The following CTNNA3 variants were observed in gnomAD, a reference collection of about 807,000 sequenced individuals.
CTNNA3 encodes the protein catenin alpha 3.
CTNNA3 carries 76 observed loss-of-function variants against 95.7 expected under a neutral mutation model. The ratio of observed to expected loss-of-function variants is 0.79; its 90% confidence interval spans 0.66 to 0.96. CTNNA3 has a LOEUF of 0.96. Ranked by LOEUF, CTNNA3 falls within the 40% of genes least tolerant of loss-of-function variation. The pLI is 0.00. For synonymous variants in CTNNA3, 431 were observed against 374.4 expected, an observed-to-expected ratio of 1.15 and a Z score of -1.74; for missense variants, 1,191 against 1,089.8, an observed-to-expected ratio of 1.09 and a Z score of -1.31.
At chr10:67,701,615 C>T (rs1480489945) in intron 1 of CTNNA3, among the ~76,000 whole-genome samples, 2 of 152,158 alleles carry the variant, frequency 1.3e-5, no homozygotes, top group Non-Finnish European at 2.9e-5. Flanking sequence ...TAAAACAGCT[C>T]CTGAAGGAAG....
rs10687414 is a variant in CTNNA3, at chr10:66,020,668, A to ATTTTTTTTT, written c.2160-31880_2160-31872dup. Among the ~76,000 whole-genome samples the ATTTTTTTTT allele has an allele frequency of 1.8e-3, 252 of 136,664 alleles. 2 individuals carry two copies. Among genetic ancestry groups the ATTTTTTTTT allele is most frequent in the African/African-American group, 6.8e-3 (246 of 36,418 alleles). The allele number at this position is 136,664 out of a possible 152,430, so 89.7% of individuals were successfully genotyped here. ...GCCTAAACACTTGCTGATGATCTGA[A>ATTTTTTTTT]TTTTTTTTTTTTTTTTTGAGATGGA... On this transcript the variant is annotated intron_variant, in intron 15 of 17. Transcript: ENST00000433211.
intron 6 of CTNNA3, among the ~76,000 whole-genome samples, chr10:67,207,711 C>G (rs983154559): frequency 3.9e-5 from 6 of 152,180 alleles, no homozygotes; most frequent in African/African-American, 1.4e-4. Flanking sequence ...AGAATCAGAA[C>G]CTTACAATCT....
intron 10 of CTNNA3, among the ~76,000 whole-genome samples, chr10:66,531,055 T>C (rs939480519): frequency 5.9e-5 from 9 of 152,112 alleles, no homozygotes; most frequent in Admixed American, 5.9e-4. Flanking sequence ...AAGGCAATAA[T>C]TCCACATGAA....
chr10:66,520,714 G>A lies in CTNNA3; in HGVS notation c.1434C>T (p.Thr478=), dbSNP rs1188224066. ...CCCATGTACGCTTGTACATTTCCATGGTGTTTTTGACCGCTTGACTTTTGG... is the reference window on the plus strand; with the variant it reads ...CCCATGTACGCTTGTACATTTCCATAGTGTTTTTGACCGCTTGACTTTTGG... ...ARPKSQAVKN[T]MEMYKRTWEN... The change falls in exon 11 of 18, where the codon ACC becomes ACT. Residue 478 remains threonine (T), a synonymous_variant. Coordinates refer to ENST00000433211, the MANE Select transcript of CTNNA3 (RefSeq NM_013266.4). 1 of 1,612,274 alleles carries A rather than the reference G, an allele frequency of 6.2e-7. No homozygotes were observed. The highest frequency in any genetic ancestry group is 2.2e-5 in the East Asian group (1 of 44,724).
At chr10:67,063,634 C>G (rs2133228110) in intron 7 of CTNNA3, among the ~76,000 whole-genome samples, 1 of 152,322 alleles carries the variant, frequency 6.6e-6, no homozygotes, top group East Asian at 1.9e-4. Flanking sequence ...CATGGCTTTA[C>G]CCACTGACCA....
At chr10:67,449,964 C>A (rs1846905858) in intron 5 of CTNNA3, among the ~76,000 whole-genome samples, 1 of 151,880 alleles carries the variant, frequency 6.6e-6, no homozygotes, top group South Asian at 2.1e-4. Flanking sequence ...AACAAATAAC[C>A]CCATTAAAAA....
chr10:66,017,032 T>C (rs1166066841), intron 15 of CTNNA3, among the ~76,000 whole-genome samples: 1 of 152,100 alleles, frequency 6.6e-6, no homozygotes, highest in Non-Finnish European at 1.5e-5. Flanking sequence ...GGAACTTGAG[T>C]TTATAATACA....
chr10:66,900,815 A>T (rs1156440656), intron 7 of CTNNA3, among the ~76,000 whole-genome samples: 2 of 152,168 alleles, frequency 1.3e-5, no homozygotes, highest in Non-Finnish European at 2.9e-5. Flanking sequence ...AAGCAAGAAG[A>T]CAAGATTAGA....
chr10:67,649,061 A>G (rs1163715829), intron 1 of CTNNA3, among the ~76,000 whole-genome samples: 5 of 152,192 alleles, frequency 3.3e-5, no homozygotes, highest in African/African-American at 1.2e-4. Flanking sequence ...TATGTCCTTC[A>G]GTGTATAGCC....
Position 67,130,331 on chromosome 10 carries a change from T to C in CTNNA3, c.1047+49986A>G, listed in dbSNP as rs993592435. Among the ~76,000 whole-genome samples the C allele has an allele frequency of 2.6e-5, 4 of 152,176 alleles. No individual in the cohort carries two copies. The South Asian group carries it at 6.2e-4, about 24-fold the overall frequency. On this transcript the variant is annotated intron_variant, in intron 7 of 17. Transcript: ENST00000433211. ...GCTCTTTGTGATCTAGATCCACTTA[T>C]AGGGCAGGCAGGGAGAAGCCACCCT...
chr10:67,742,648 G>A (rs1407477010), intron 1 of CTNNA3, among the ~76,000 whole-genome samples: 2 of 150,754 alleles, frequency 1.3e-5, no homozygotes, highest in Non-Finnish European at 1.5e-5. Flanking sequence ...AAATAACTAA[G>A]ATCAGAGCAG....
At chr10:67,022,403 GA>G (rs1853079540) in intron 7 of CTNNA3, among the ~76,000 whole-genome samples, 1 of 151,934 alleles carries the variant, frequency 6.6e-6, no homozygotes, top group Admixed American at 6.6e-5. Flanking sequence ...TAGAGAAGTA[GA>G]AAAGGAAAAT....
chr10:67,526,467 T>C (rs1840149466), intron 4 of CTNNA3, among the ~76,000 whole-genome samples: 1 of 152,092 alleles, frequency 6.6e-6, no homozygotes. Context: ...ACACTGGCCT[T>C]GAGGTCTGAG....
intron 5 of CTNNA3, among the ~76,000 whole-genome samples, chr10:67,277,972 G>A (rs1839252420): frequency 6.6e-6 from 1 of 152,110 alleles, no homozygotes; most frequent in South Asian, 2.1e-4. Context: ...AGTCCAAGAT[G>A]CTGCCCTGCC....
chr10:66,458,131 G>T (rs1457080021), intron 11 of CTNNA3, among the ~76,000 whole-genome samples: 2 of 152,152 alleles, frequency 1.3e-5, no homozygotes, highest in African/African-American at 4.8e-5. Context: ...ACCTTAGGGA[G>T]TGAAAAATGT....
intron 11 of CTNNA3, among the ~76,000 whole-genome samples, chr10:66,394,454 ACTC>A (rs1326746241): frequency 1.3e-5 from 2 of 150,954 alleles, no homozygotes; most frequent in Non-Finnish European, 3.0e-5. Context: ...TTTTCCATCA[ACTC>A]CTCTACTACT....
chr10:67,017,739 G>C (rs115818353), intron 7 of CTNNA3, among the ~76,000 whole-genome samples: 1,702 of 151,192 alleles, frequency 0.011, 30 homozygotes, highest in African/African-American at 0.039. Flanking sequence ...GTGTGTGTGT[G>C]TGTGTGTGTG....
chr10:66,428,745 T>C (rs1196075075), intron 11 of CTNNA3, among the ~76,000 whole-genome samples: 2 of 151,882 alleles, frequency 1.3e-5, no homozygotes, highest in Non-Finnish European at 2.9e-5. Flanking sequence ...CTGGGACACA[T>C]TTAAAGCAGT....
intron 10 of CTNNA3, among the ~76,000 whole-genome samples, chr10:66,583,141 T>C (rs1447073054): frequency 6.6e-6 from 1 of 151,866 alleles, no homozygotes. Context: ...ACCAGGGTGA[T>C]ACTGGGCTTG....
Sources: gnomAD v4.1 joint callset for allele counts (sites outside exome capture counted in the v4.1 genomes callset) on GRCh38, gnomAD v4.1.1 for gene constraint, MANE v1.5 for transcripts, NCBI Gene and HGNC (gene_info 2026-07-23, HGNC 2026-07-21) for gene names.